FYN: variants seen among roughly 807,000 people sequenced by gnomAD.
FYN encodes the protein tyrosine-protein kinase Fyn.
Under a neutral mutation model 70.2 loss-of-function variants are expected in FYN, and 10 were observed. The observed-to-expected ratio is 0.14, with a 90% CI of 0.09 to 0.24. The LOEUF (loss-of-function observed/expected upper bound fraction) is 0.24, where lower values mean the gene tolerates loss of function less well. FYN is among the 10% of genes least tolerant of loss of function. FYN has a pLI of 1.00. For synonymous variants in FYN, 236 were observed against 248.6 expected (o/e 0.95, Z 0.48); for missense variants, 319 against 673.1 (o/e 0.47, Z 5.82).
chr6:111,834,693 G>A (rs1205757187), intron 2 of FYN, among the ~76,000 whole-genome samples: 2 of 152,168 alleles, frequency 1.3e-5, no homozygotes, highest in Non-Finnish European at 2.9e-5. Flanking sequence ...ACCTTTTGCT[G>A]AGTTGTACTC....
intron 1 of FYN, among the ~76,000 whole-genome samples, chr6:111,860,003 G>A (rs1393372229): frequency 2.0e-5 from 3 of 152,158 alleles, no homozygotes; most frequent in Admixed American, 6.5e-5. Context: ...GGCAGAGATT[G>A]TAGTGACATG....
At chr6:111,759,797 T>C (rs556518145) in intron 3 of FYN, 41 of 152,254 alleles carry the variant, frequency 2.7e-4, no homozygotes, top group Non-Finnish European at 4.6e-4. Context: ...ATTATTTAAT[T>C]GTCACCAGAG....
At chr6:111,678,313 T>C (rs748404437) in intron 12 of FYN, among the ~76,000 whole-genome samples, 9 of 152,154 alleles carry the variant, frequency 5.9e-5, no homozygotes, top group African/African-American at 9.7e-5. Context: ...AGAACTTCCA[T>C]GTAAGAGGAT....
intron 2 of FYN, among the ~76,000 whole-genome samples, chr6:111,786,204 C>G (rs1291956335): frequency 6.6e-6 from 1 of 152,036 alleles, no homozygotes. Flanking sequence ...TGCTATCCCT[C>G]TCTCCTCCCC....
chr6:111,819,657 T>C (rs567112259), intron 2 of FYN, among the ~76,000 whole-genome samples: 1 of 152,238 alleles, frequency 6.6e-6, no homozygotes, highest in African/African-American at 2.4e-5. Flanking sequence ...CTTTGTGTAG[T>C]TTCTACTTTC....
At chr6:111,688,029 A>C (rs1028886836) in intron 12 of FYN, among the ~76,000 whole-genome samples, 13 of 152,264 alleles carry the variant, frequency 8.5e-5, no homozygotes, top group East Asian at 1.9e-4. Flanking sequence ...TCCAAAAAAA[A>C]CCCAAAAAAC....
chr6:111,752,403 T>C (rs1227681175), intron 3 of FYN, among the ~76,000 whole-genome samples: 1 of 152,202 alleles, frequency 6.6e-6, no homozygotes, highest in African/African-American at 2.4e-5. Flanking sequence ...AATTGTCAGT[T>C]GGAAGTTGTA....
chr6:111,783,661 C>T (rs996645970), intron 2 of FYN, among the ~76,000 whole-genome samples: 4 of 152,208 alleles, frequency 2.6e-5, no homozygotes, highest in African/African-American at 7.2e-5. Flanking sequence ...ATGCTAATTA[C>T]ACACTGAAAA....
intron 2 of FYN, among the ~76,000 whole-genome samples, chr6:111,789,728 G>A (rs1463151697): frequency 2.0e-5 from 3 of 152,178 alleles, no homozygotes; most frequent in African/African-American, 7.2e-5. Context: ...GTTCTGTAGT[G>A]TACTTGAATT....
intron 12 of FYN, among the ~76,000 whole-genome samples, chr6:111,684,248 C>T (rs1798897395): frequency 6.6e-6 from 1 of 151,960 alleles, no homozygotes; most frequent in Admixed American, 6.6e-5. Flanking sequence ...AAGGTGGGCC[C>T]GAACATATTG....
At chr6:111,845,723 G>C (rs1478679206) in intron 2 of FYN, among the ~76,000 whole-genome samples, 2 of 152,180 alleles carry the variant, frequency 1.3e-5, no homozygotes, top group African/African-American at 2.4e-5. Context: ...ACTCAGAACA[G>C]CTGAAAAGTT....
At chr6:111,771,626 T>C (rs912535425) in intron 3 of FYN, among the ~76,000 whole-genome samples, 2 of 152,212 alleles carry the variant, frequency 1.3e-5, no homozygotes, top group Non-Finnish European at 2.9e-5. Context: ...GAAATTCCAT[T>C]TATAAACAAA....
chr6:111,803,279 C>T (rs1583458037), intron 2 of FYN, among the ~76,000 whole-genome samples: 1 of 152,266 alleles, frequency 6.6e-6, no homozygotes, highest in Admixed American at 6.5e-5. Flanking sequence ...AATTCAATCA[C>T]TTCAAATATT....
At chr6:111,717,721 T>G (rs1466695664) in intron 4 of FYN, among the ~76,000 whole-genome samples, 3 of 152,092 alleles carry the variant, frequency 2.0e-5, no homozygotes, top group Non-Finnish European at 4.4e-5. Flanking sequence ...ACCTCAGCCT[T>G]CCAAAGTGCT....
intron 1 of FYN, among the ~76,000 whole-genome samples, chr6:111,869,480 T>C (rs1365232417): frequency 6.6e-6 from 1 of 152,216 alleles, no homozygotes; most frequent in Non-Finnish European, 1.5e-5. Context: ...AGTCTCTACC[T>C]CCCAGGCTCA....
At chr6:111,789,826 G>A (rs1378118114) in intron 2 of FYN, among the ~76,000 whole-genome samples, 3 of 152,170 alleles carry the variant, frequency 2.0e-5, no homozygotes, top group Non-Finnish European at 4.4e-5. Flanking sequence ...TGATGCAAGC[G>A]CAGCTGCTGG....
chr6:111,846,713 T>A (rs956764955), intron 1 of FYN, 84 bp from the exon 2 acceptor site: 1 of 398,028 alleles, frequency 2.5e-6, no homozygotes, highest in Non-Finnish European at 4.4e-6. Flanking sequence ...AGCACCACCA[T>A]AGAATTTCCA....
intron 2 of FYN, among the ~76,000 whole-genome samples, chr6:111,817,497 C>T (rs762671764): frequency 3.9e-5 from 6 of 152,194 alleles, no homozygotes; most frequent in Non-Finnish European, 7.3e-5. Flanking sequence ...TAAATGCCCT[C>T]GTAGCTATCC....
chr6:111,809,505 C>G (rs980105385), intron 2 of FYN, among the ~76,000 whole-genome samples: 2 of 152,154 alleles, frequency 1.3e-5, no homozygotes, highest in Non-Finnish European at 2.9e-5. Context: ...AGGGATACAC[C>G]AGGTTATTTC....
Sources: gnomAD v4.1 joint callset for allele counts (sites outside exome capture counted in the v4.1 genomes callset) on GRCh38, gnomAD v4.1.1 for gene constraint, MANE v1.5 for transcripts, NCBI Gene and HGNC (gene_info 2026-07-23, HGNC 2026-07-21) for gene names.